Variants in DTNA observed in about 807,000 individuals in gnomAD.
The protein encoded by DTNA is dystrophin-related protein 3.
DTNA carries 43 observed loss-of-function variants against 100.7 expected under a neutral mutation model. The observed-to-expected ratio is 0.43, with a 90% confidence interval of 0.33 to 0.55. The LOEUF is 0.55. Among genes scored for constraint, DTNA ranks in the 20% least tolerant of loss-of-function variants. The probability of loss-of-function intolerance (pLI) is 0.04; values close to 1 mark genes in which losing one functional copy is unlikely to be tolerated. For synonymous variants in DTNA, 349 were observed against 347.9 expected, an observed-to-expected ratio of 1.00 and a Z score of -0.04; for missense variants, 798 against 953.9, an observed-to-expected ratio of 0.84 and a Z score of 2.15.
At chr18:34,824,328 T>A (rs1380579956) in intron 9 of DTNA, among the ~76,000 whole-genome samples, 1 of 151,806 alleles carries the variant, frequency 6.6e-6, no homozygotes, top group Non-Finnish European at 1.5e-5. Flanking sequence ...ACAAAAAAAA[T>A]AGCCGGGCGT....
chr18:34,526,679 C>G (rs1366416818), intron 1 of DTNA, among the ~76,000 whole-genome samples: 1 of 152,050 alleles, frequency 6.6e-6, no homozygotes, highest in Non-Finnish European at 1.5e-5. Flanking sequence ...TAGAGGGAGT[C>G]AGTCTTATGC....
At chr18:34,675,393 C>T (rs373666283) in intron 1 of DTNA, among the ~76,000 whole-genome samples, 2 of 151,962 alleles carry the variant, frequency 1.3e-5, no homozygotes, top group Non-Finnish European at 2.9e-5. Context: ...TTAGGCTACC[C>T]GTTCTTGAAT....
At chr18:34,736,885 A>G (rs2089713541) in intron 1 of DTNA, among the ~76,000 whole-genome samples, 1 of 152,152 alleles carries the variant, frequency 6.6e-6, no homozygotes, top group African/African-American at 2.4e-5. Flanking sequence ...CTGGGGGATA[A>G]CTTTGTTCTC....
intron 1 of DTNA, among the ~76,000 whole-genome samples, chr18:34,715,623 A>G (rs925118912): frequency 6.6e-6 from 1 of 152,116 alleles, no homozygotes; most frequent in Non-Finnish European, 1.5e-5. Context: ...TGGCAATTCC[A>G]GTATAAAATA....
chr18:34,619,712 G>A (rs980299546), intron 1 of DTNA, among the ~76,000 whole-genome samples: 1 of 152,134 alleles, frequency 6.6e-6, no homozygotes, highest in South Asian at 2.1e-4. Context: ...GACATTTTGA[G>A]TTGGAGGTTT....
At chr18:34,767,277 C>G (rs551933233) in intron 3 of DTNA, among the ~76,000 whole-genome samples, 45 of 152,166 alleles carry the variant, frequency 3.0e-4, no homozygotes, top group African/African-American at 1.0e-3. Context: ...AAGATGTTTC[C>G]TAGGGCCCTG....
At chr18:34,762,603 G>A (rs906041449) in intron 2 of DTNA, among the ~76,000 whole-genome samples, 2 of 152,162 alleles carry the variant, frequency 1.3e-5, no homozygotes, top group African/African-American at 2.4e-5. Context: ...TTTTGACAAG[G>A]CAGATAAACA....
intron 8 of DTNA, among the ~76,000 whole-genome samples, chr18:34,819,350 G>A (rs1744852276): frequency 6.6e-6 from 1 of 152,134 alleles, no homozygotes; most frequent in African/African-American, 2.4e-5. Context: ...CTGAATTCAA[G>A]CAACAGTTCT....
chr18:34,572,678 T>G (rs1291646459), intron 1 of DTNA, among the ~76,000 whole-genome samples: 2 of 152,082 alleles, frequency 1.3e-5, no homozygotes, highest in Non-Finnish European at 2.9e-5. Flanking sequence ...TTGCAGAGTC[T>G]AATCTAGGTA....
At chr18:34,855,470 A>G (rs2096541644) in intron 15 of DTNA, among the ~76,000 whole-genome samples, 1 of 152,246 alleles carries the variant, frequency 6.6e-6, no homozygotes, top group Admixed American at 6.5e-5. Flanking sequence ...TAGTGCTGAA[A>G]TGTTAATTTA....
At chr18:34,874,206 T>C (rs927424154) in intron 17 of DTNA, among the ~76,000 whole-genome samples, 1 of 152,070 alleles carries the variant, frequency 6.6e-6, no homozygotes, top group East Asian at 1.9e-4. Context: ...ATCTAGGAGT[T>C]TGAATGGGTT....
chr18:34,606,570 G>T (rs2053160315), intron 1 of DTNA, among the ~76,000 whole-genome samples: 1 of 152,164 alleles, frequency 6.6e-6, no homozygotes, highest in African/African-American at 2.4e-5. Flanking sequence ...CCCTGCCTTT[G>T]AGGAATGCAG....
chr18:34,567,558 C>T (rs1305723333), intron 1 of DTNA, among the ~76,000 whole-genome samples: 1 of 151,980 alleles, frequency 6.6e-6, no homozygotes, highest in Non-Finnish European at 1.5e-5. Context: ...GAAGCATATA[C>T]AAAATCTGAT....
chr18:34,741,537 C>T (rs998930945), intron 1 of DTNA, among the ~76,000 whole-genome samples: 2 of 152,082 alleles, frequency 1.3e-5, no homozygotes, highest in African/African-American at 4.8e-5. Flanking sequence ...GATTCAAAAG[C>T]TTATGTCAAT....
chr18:34,815,630 A>G (rs2149381231), intron 6 of DTNA: 1 of 379,404 alleles, frequency 2.6e-6, no homozygotes, highest in Non-Finnish European at 5.0e-6. Context: ...TGTCTTTCAT[A>G]TATACAAATG....
intron 1 of DTNA, among the ~76,000 whole-genome samples, chr18:34,703,836 T>A (rs1168276676): frequency 1.3e-5 from 2 of 152,238 alleles, no homozygotes; most frequent in African/African-American, 4.8e-5. Context: ...TTGTTGCTTG[T>A]CTCAGTTTAG....
At chr18:34,504,150 CCG>C (rs2040247596) in intron 1 of DTNA, 1 of 152,154 alleles carries the variant, frequency 6.6e-6, no homozygotes, top group African/African-American at 2.4e-5. Flanking sequence ...GCCACCGTGT[CCG>C]GCCAGGTATT....
intron 1 of DTNA, among the ~76,000 whole-genome samples, chr18:34,534,238 G>T (rs1369081652): frequency 1.3e-5 from 2 of 151,996 alleles, no homozygotes. Flanking sequence ...AATCCCAGCT[G>T]ATTGGGAGGC....
At chr18:34,756,853 C>G (rs1327792874) in intron 2 of DTNA, among the ~76,000 whole-genome samples, 2 of 152,108 alleles carry the variant, frequency 1.3e-5, no homozygotes, top group Non-Finnish European at 2.9e-5. Context: ...AAGCATGGTT[C>G]TCTTCATGTC....
Sources: gnomAD v4.1 joint callset for allele counts (sites outside exome capture counted in the v4.1 genomes callset) on GRCh38, gnomAD v4.1.1 for gene constraint, MANE v1.5 for transcripts, NCBI Gene and HGNC (gene_info 2026-07-23, HGNC 2026-07-21) for gene names.